SUCO: variants seen among roughly 807,000 people sequenced by gnomAD.
SUCO encodes the protein SUN domain containing ossification factor.
A neutral mutation model predicts 148.1 loss-of-function variants in SUCO; 57 were observed. That is an observed-to-expected ratio of 0.38 (90% confidence interval 0.31 to 0.48). SUCO has a LOEUF of 0.48. SUCO is among the 20% of genes least tolerant of loss of function. The pLI, the probability that SUCO is intolerant of heterozygous loss-of-function variation, is 0.96. For missense variants in SUCO, 1,331 were observed against 1,468.2 expected (o/e 0.91, Z 1.53); for synonymous variants, 470 against 502.7 (o/e 0.93, Z 0.87).
Position 172,590,904 on chromosome 1 carries a change from C to A in SUCO, c.2826-80C>A, listed in dbSNP as rs1013414152. On this transcript the variant is annotated intron_variant, in intron 18 of 23. Coordinates refer to ENST00000263688, the MANE Select transcript of SUCO (RefSeq NM_014283.5). ...AGAAAAATAGATTTGTCTCATATATCAAAATCAGAAGTATGTTTCCATTAC... is the reference window on the plus strand; with the variant it reads ...AGAAAAATAGATTTGTCTCATATATAAAAATCAGAAGTATGTTTCCATTAC... 7.1e-6 allele frequency: 7 copies of A among 988,346 alleles called. No homozygotes were observed. The African/African-American group carries it at 9.8e-5, about 14-fold the overall frequency. 61.2% of individuals were successfully genotyped at this position (988,346 alleles called of 1,614,324 possible).
chr1:172,610,279 A>G lies in SUCO; in HGVS notation c.*20A>G. On this transcript the variant is annotated 3_prime_UTR_variant, in exon 24 of 24. Coordinates refer to ENST00000263688, the MANE Select transcript of SUCO (RefSeq NM_014283.5). ...ATCTAAAATTAATTGAACTTTTCAT[A>G]CAGAAGACTTTTTTGTTGTTGTTCT... 6.4e-7 allele frequency: 1 copy of G among 1,552,998 alleles called. No homozygotes were observed. The highest frequency in any genetic ancestry group is 8.7e-7 in the Non-Finnish European group (1 of 1,154,712).
chr1:172,532,594 G>T (rs561355448), upstream of SUCO: 16 of 1,613,968 alleles, frequency 9.9e-6, no homozygotes, highest in Middle Eastern at 1.6e-4. Flanking sequence ...CGTCATTCTA[G>T]GCCATTCCAC....
chr1:172,587,606 T>C (rs925318335), intron 17 of SUCO, among the ~76,000 whole-genome samples: 3 of 152,108 alleles, frequency 2.0e-5, no homozygotes, highest in African/African-American at 7.2e-5. Context: ...TATCTTTTTA[T>C]TTACCGAAGT....
intron 14 of SUCO, 38 bp downstream of exon 14, chr1:172,578,427 T>G: frequency 6.3e-7 from 1 of 1,577,484 alleles, no homozygotes; most frequent in Non-Finnish European, 8.7e-7. Flanking sequence ...AGGTATATTT[T>G]TTTTACTTTT....
chr1:172,553,199 G>A, intron 2 of SUCO, 61 bp from the exon 3 acceptor site: 1 of 1,455,888 alleles, frequency 6.9e-7, no homozygotes, highest in Non-Finnish European at 9.1e-7. Flanking sequence ...TCTTCGTATT[G>A]CTTTATAACT....
intron 10 of SUCO, among the ~76,000 whole-genome samples, chr1:172,574,542 G>A (rs1179432245): frequency 6.6e-6 from 1 of 151,806 alleles, no homozygotes; most frequent in Non-Finnish European, 1.5e-5. Context: ...GCCCTTATTA[G>A]CATTTTAATA....
chr1:172,602,840 G>T, intron 22 of SUCO, 53 bp downstream of exon 22: 1 of 1,438,788 alleles, frequency 7.0e-7, no homozygotes, highest in South Asian at 1.2e-5. Context: ...ACTAGCTTCT[G>T]GCATAAATAT....
Position 172,533,462 on chromosome 1 carries a change from C to CCTGGTCTCCTGCCTCTTTCTGTGCTCT in SUCO, c.35_61dup (p.Ser12_Val20dup), listed in dbSNP as rs1558164172. On this transcript the variant is annotated inframe_insertion, in exon 1 of 24. Coordinates refer to ENST00000263688, the MANE Select transcript of SUCO (RefSeq NM_014283.5). ...TGAAGAAGCACCGGCGGGCCTTGGCCCTGGTCTCCTGCCTCTTTCTGTGCT... is the reference window on the plus strand; with the variant it reads ...TGAAGAAGCACCGGCGGGCCTTGGCCCTGGTCTCCTGCCTCTTTCTGTGCTCTCTGGTCTCCTGCCTCTTTCTGTGCT... The CCTGGTCTCCTGCCTCTTTCTGTGCTCT allele has an allele frequency of 6.4e-7, 1 of 1,565,122 alleles. No homozygotes were observed. The highest frequency in any genetic ancestry group is 1.2e-5 in the South Asian group (1 of 85,056).
At chr1:172,594,019 C>G (rs1656883350) in intron 19 of SUCO, among the ~76,000 whole-genome samples, 2 of 152,044 alleles carry the variant, frequency 1.3e-5, no homozygotes, top group South Asian at 4.1e-4. Context: ...TGTATGTGTC[C>G]AGGAATTTAT....
chr1:172,607,284 T>TTG (rs1657921563), intron 22 of SUCO, among the ~76,000 whole-genome samples: 2 of 151,804 alleles, frequency 1.3e-5, no homozygotes, highest in South Asian at 4.2e-4. Context: ...GAGAGGGAAT[T>TTG]TGTGTGTGTG....
At chr1:172,586,274 G>C (rs905249857) in intron 17 of SUCO, among the ~76,000 whole-genome samples, 95 of 151,970 alleles carry the variant, frequency 6.3e-4, no homozygotes, top group African/African-American at 2.2e-3. Flanking sequence ...AATTTTAAAG[G>C]CCCCCCCTTT....
At chr1:172,609,623 T>C (rs1658079342) in intron 23 of SUCO, 193 bp from the exon 24 acceptor site, 1 of 984,902 alleles carries the variant, frequency 1.0e-6, no homozygotes, top group South Asian at 4.7e-5. Context: ...TTTGATTCAG[T>C]AGTATTTACA....
chr1:172,605,620 AATT>A (rs1297249328), intron 22 of SUCO, among the ~76,000 whole-genome samples: 1 of 151,660 alleles, frequency 6.6e-6, no homozygotes, highest in Non-Finnish European at 1.5e-5. Flanking sequence ...TTCTTTTTAA[AATT>A]ATTTTCCTTA....
chr1:172,579,597 T>G (rs1276477565), intron 15 of SUCO, among the ~76,000 whole-genome samples: 1 of 152,104 alleles, frequency 6.6e-6, no homozygotes, highest in Non-Finnish European at 1.5e-5. Flanking sequence ...AGTTAATCTA[T>G]GGGTATGGTT....
At chr1:172,602,260 A>G in intron 21 of SUCO, 42 bp downstream of exon 21, 3 of 1,495,742 alleles carry the variant, frequency 2.0e-6, no homozygotes, top group Non-Finnish European at 2.7e-6. Context: ...TTTTTTTACT[A>G]TGCTTTGTAT....
rs568750927 is a variant in SUCO, at chr1:172,571,416, C to T, written c.1049+686C>T. Among the ~76,000 whole-genome samples, 557 of 152,182 alleles carry T rather than the reference C, an allele frequency of 3.7e-3. 7 individuals carry two copies. The highest frequency in any genetic ancestry group is 0.013 in the African/African-American group (537 of 41,548). On this transcript the variant is annotated intron_variant, in intron 9 of 23. Transcript: ENST00000263688. ...CCTGATCTCGGCTCGCTACAACCTC[C>T]ACCTCCCAGCCGCCTGCCTTGGCCT...
At chr1:172,563,336 T>C (rs1395669261) in intron 6 of SUCO, among the ~76,000 whole-genome samples, 1 of 152,142 alleles carries the variant, frequency 6.6e-6, no homozygotes, top group Non-Finnish European at 1.5e-5. Flanking sequence ...TGTTGAATGG[T>C]TTTGACCAGA....
In SUCO at chr1:172,573,874, T is replaced by C; in HGVS notation, c.1050-17T>C. ...ATTTTGATTGGTTTAAGTAATTGTC[T>C]TTTGTTCTTTTTGAAGGTTTGTTAT... On this transcript the variant is annotated splice_polypyrimidine_tract_variant and intron_variant, in intron 9 of 23. Coordinates refer to ENST00000263688, the MANE Select transcript of SUCO (RefSeq NM_014283.5). 5.0e-6 allele frequency: 7 copies of C among 1,409,642 alleles called. No homozygotes were observed. The highest frequency in any genetic ancestry group is 7.0e-6 in the Non-Finnish European group (7 of 1,003,466). The allele number at this position is 1,409,642 out of a possible 1,614,324, so 87.3% of individuals were successfully genotyped here.
chr1:172,534,650 C>G (rs551342875), intron 1 of SUCO, among the ~76,000 whole-genome samples: 2 of 152,182 alleles, frequency 1.3e-5, no homozygotes, highest in African/African-American at 4.8e-5. Context: ...CCTTTTAATA[C>G]CCGTCTCCTG....
Sources: allele counts gnomAD v4.1 joint callset (sites outside exome capture counted in the v4.1 genomes callset), GRCh38; gene constraint gnomAD v4.1.1; transcripts MANE v1.5; gene names NCBI Gene and HGNC (gene_info 2026-07-23, HGNC 2026-07-21).